Variants in ZMIZ1 observed in about 807,000 individuals in gnomAD.
ZMIZ1 encodes the protein zinc finger MIZ domain-containing protein 1.
A neutral mutation model predicts 113.9 loss-of-function variants in ZMIZ1; 17 were observed. That is an observed-to-expected ratio of 0.15 (90% CI 0.10 to 0.22). ZMIZ1 has a LOEUF of 0.22. Ranked by LOEUF, ZMIZ1 falls within the 10% of genes least tolerant of loss-of-function variation. ZMIZ1 has a pLI of 1.00. For synonymous variants in ZMIZ1, 607 were observed against 603.1 expected, an observed-to-expected ratio of 1.01 and a Z score of -0.09; for missense variants, 1,059 against 1,477.8, an observed-to-expected ratio of 0.72 and a Z score of 4.65.
intron 3 of ZMIZ1, among the ~76,000 whole-genome samples, chr10:79,157,070 T>C (rs571897276): frequency 2.3e-4 from 35 of 152,206 alleles, no homozygotes; most frequent in South Asian, 1.0e-3. Flanking sequence ...TCTTTGAGCA[T>C]TGAAGGATGG....
intron 12 of ZMIZ1, 165 bp downstream of exon 12, chr10:79,293,818 C>T: frequency 9.7e-7 from 1 of 1,035,134 alleles, no homozygotes; most frequent in Non-Finnish European, 1.4e-6. Context: ...AGACCTGGTT[C>T]TGCTGTTTCC....
chr10:79,161,855 G>A (rs200512818), intron 3 of ZMIZ1, among the ~76,000 whole-genome samples, 198 bp from the exon 4 acceptor site: 2 of 62,086 alleles, frequency 3.2e-5, no homozygotes, highest in East Asian at 7.3e-4. Flanking sequence ...GAGTCTGAGA[G>A]CATATCTGTA....
chr10:79,202,994 C>G (rs141270752), intron 5 of ZMIZ1, among the ~76,000 whole-genome samples: 169 of 152,328 alleles, frequency 1.1e-3, no homozygotes, highest in Non-Finnish European at 2.1e-3. Context: ...TGCACGTAGC[C>G]CAGCCCTGGT....
chr10:79,240,414 G>A, intron 7 of ZMIZ1, among the ~76,000 whole-genome samples: 1 of 152,176 alleles, frequency 6.6e-6, no homozygotes, highest in East Asian at 1.9e-4. Context: ...CGGAACAAGT[G>A]GAGAAGGCCC....
At chr10:79,168,103 T>C (rs545512236) in intron 4 of ZMIZ1, among the ~76,000 whole-genome samples, 1 of 152,334 alleles carries the variant, frequency 6.6e-6, no homozygotes, top group African/African-American at 2.4e-5. Context: ...CCAATTTTCC[T>C]CTTTGTTACC....
chr10:79,287,324 T>A (rs1345627036), intron 8 of ZMIZ1, among the ~76,000 whole-genome samples: 1 of 152,252 alleles, frequency 6.6e-6, no homozygotes, highest in Non-Finnish European at 1.5e-5. Flanking sequence ...GAGCAGAGTC[T>A]GTCGCTATCT....
At chr10:79,232,864 C>G (rs900659287) in intron 7 of ZMIZ1, among the ~76,000 whole-genome samples, 3 of 152,172 alleles carry the variant, frequency 2.0e-5, no homozygotes, top group Non-Finnish European at 2.9e-5. Context: ...CCTCCATTTC[C>G]TCATCTGTGG....
In ZMIZ1 at chr10:79,313,038, C is replaced by G. The variant is rs534779893; in HGVS notation, c.*289C>G. ...AGACCACCCTCCCGAGAGGAACCAG[C>G]CCGGTAAGAGGGCACACGCTGATGC... is the stretch of plus-strand genomic sequence containing the variant. On this transcript the variant is annotated 3_prime_UTR_variant, in exon 25 of 25. Transcript: ENST00000334512. 35 of 445,748 alleles carry G rather than the reference C, an allele frequency of 7.9e-5. No individual in the cohort carries two copies. Among genetic ancestry groups the G allele is most frequent in the African/African-American group, 6.3e-4 (32 of 51,018 alleles). The allele number at this position is 445,748 out of a possible 1,614,324, so 27.6% of individuals were successfully genotyped here.
At chr10:79,197,611 TAC>T (rs71482719) in intron 4 of ZMIZ1, among the ~76,000 whole-genome samples, 3,423 of 89,852 alleles carry the variant, frequency 0.038, 54 homozygotes, top group South Asian at 0.057. Context: ...CACACACACA[TAC>T]ACACACACAC....
At chr10:79,122,693 C>T (rs1844352154) in intron 2 of ZMIZ1, among the ~76,000 whole-genome samples, 1 of 152,214 alleles carries the variant, frequency 6.6e-6, no homozygotes, top group Non-Finnish European at 1.5e-5. Flanking sequence ...TCACACCCAT[C>T]ACACCCTGGA....
At chr10:79,272,011 G>A (rs745894854) in intron 7 of ZMIZ1, among the ~76,000 whole-genome samples, 1 of 152,208 alleles carries the variant, frequency 6.6e-6, no homozygotes, top group Non-Finnish European at 1.5e-5. Context: ...GCTTATGCCT[G>A]TAATCCAAGT....
chr10:79,090,005 C>T (rs1338157494), intron 1 of ZMIZ1, among the ~76,000 whole-genome samples: 1 of 152,212 alleles, frequency 6.6e-6, no homozygotes, highest in Admixed American at 6.5e-5. Context: ...AAGCCTTTTA[C>T]CAGCTTTTAA....
intron 7 of ZMIZ1, among the ~76,000 whole-genome samples, chr10:79,225,965 G>A (rs1357851617): frequency 6.6e-6 from 1 of 152,184 alleles, no homozygotes; most frequent in African/African-American, 2.4e-5. Context: ...TACTAAACTG[G>A]AATTTTAAGG....
intron 7 of ZMIZ1, among the ~76,000 whole-genome samples, chr10:79,227,794 A>ATGAGTGGGACCCAGG (rs1849251560): frequency 6.6e-6 from 1 of 152,214 alleles, no homozygotes. Flanking sequence ...GGGTGTGGAG[A>ATGAGTGGGACCCAGG]TGAGTGGGAC....
chr10:79,121,425 C>A (rs1430707745), intron 2 of ZMIZ1, among the ~76,000 whole-genome samples: 1 of 152,238 alleles, frequency 6.6e-6, no homozygotes, highest in African/African-American at 2.4e-5. Context: ...TTAGTTCTGA[C>A]CTAGTATTCC....
At chr10:79,225,829 G>A (rs1311117781) in intron 7 of ZMIZ1, among the ~76,000 whole-genome samples, 1 of 152,166 alleles carries the variant, frequency 6.6e-6, no homozygotes, top group Non-Finnish European at 1.5e-5. Flanking sequence ...GGGGCCTGGG[G>A]TAGGCTGTGC....
At chr10:79,085,423 G>C (rs1842781026) in intron 1 of ZMIZ1, among the ~76,000 whole-genome samples, 1 of 152,230 alleles carries the variant, frequency 6.6e-6, no homozygotes, top group Non-Finnish European at 1.5e-5. Flanking sequence ...ATTGGGCAGA[G>C]TGGGCAGAGG....
chr10:79,191,374 G>A (rs1412449882), intron 4 of ZMIZ1, among the ~76,000 whole-genome samples: 1 of 53,778 alleles, frequency 1.9e-5, no homozygotes, highest in East Asian at 5.8e-4. Flanking sequence ...GCTGGTGGTC[G>A]GGGGGGGTCC....
intron 1 of ZMIZ1, among the ~76,000 whole-genome samples, chr10:79,070,114 GGA>G (rs1842209276): frequency 6.6e-6 from 1 of 151,544 alleles, no homozygotes; most frequent in South Asian, 2.1e-4. Context: ...CAGCCGGGGC[GGA>G]GGTTGGGGGG....
Sources: gnomAD v4.1 joint callset for allele counts (sites outside exome capture counted in the v4.1 genomes callset) on GRCh38, gnomAD v4.1.1 for gene constraint, MANE v1.5 for transcripts, NCBI Gene and HGNC (gene_info 2026-07-23, HGNC 2026-07-21) for gene names.